Variants in CTNNA1 observed in about 807,000 individuals in gnomAD.
CTNNA1 encodes the protein catenin alpha-1.
A neutral mutation model predicts 98.4 loss-of-function variants in CTNNA1; 37 were observed. The observed-to-expected ratio is 0.38, with a 90% CI of 0.29 to 0.49. The LOEUF (loss-of-function observed/expected upper bound fraction) is 0.49, where lower values mean the gene tolerates loss of function less well. CTNNA1 is among the 20% of genes least tolerant of loss of function. The pLI is 0.95. For synonymous variants in CTNNA1, 404 were observed against 413.2 expected, an observed-to-expected ratio of 0.98 and a Z score of 0.27; for missense variants, 761 against 1,147.2, an observed-to-expected ratio of 0.66 and a Z score of 4.86.
chr5:138,884,029 C>T (rs963213059), intron 7 of CTNNA1, among the ~76,000 whole-genome samples: 6 of 152,090 alleles, frequency 3.9e-5, no homozygotes, highest in Non-Finnish European at 7.4e-5. Flanking sequence ...GGCCAAGGCC[C>T]AAGGCACAGT....
At chr5:138,845,137 AATCTT>A (rs1473106457) in intron 7 of CTNNA1, among the ~76,000 whole-genome samples, 2 of 152,206 alleles carry the variant, frequency 1.3e-5, no homozygotes, top group Non-Finnish European at 2.9e-5. Flanking sequence ...TGTGTCATAA[AATCTT>A]AGATTGGCAA....
chr5:138,933,210 G>A (rs868069255), intron 17 of CTNNA1, among the ~76,000 whole-genome samples: 1 of 151,964 alleles, frequency 6.6e-6, no homozygotes, highest in African/African-American at 2.4e-5. Context: ...ACATAGATAG[G>A]GTGTTTTCTC....
rs70982738 is a variant in CTNNA1, at chr5:138,892,328, G to GTTTTT, written c.1296+4711_1296+4715dup. Reference sequence around the variant, plus strand: ...TGGAAAAAGAATATAAAATAGCTTAGTTTTTTTTTTTTTTTTTTTTTTTTT... The same window carrying GTTTTT: ...TGGAAAAAGAATATAAAATAGCTTAGTTTTTTTTTTTTTTTTTTTTTTTTTTTTTT... On this transcript the variant is annotated intron_variant, in intron 9 of 17. Coordinates refer to ENST00000302763, the MANE Select transcript of CTNNA1 (RefSeq NM_001903.5). Among the ~76,000 whole-genome samples, 157 of 79,252 alleles carry GTTTTT rather than the reference G, an allele frequency of 2.0e-3. 22 individuals carry two copies. The highest frequency in any genetic ancestry group is 9.7e-3 in the East Asian group (15 of 1,554). 52.0% of individuals were successfully genotyped at this position (79,252 alleles called of 152,430 possible). A position where few individuals can be genotyped will look rare whatever the true frequency, so the allele number is the denominator to read the frequency against.
At chr5:138,772,785 T>C (rs1433673961) in intron 1 of CTNNA1, among the ~76,000 whole-genome samples, 1 of 151,876 alleles carries the variant, frequency 6.6e-6, no homozygotes, top group East Asian at 1.9e-4. Flanking sequence ...ATTTCAGGAC[T>C]AGAGGGATTT....
chr5:138,806,154 C>T (rs892325078), intron 3 of CTNNA1, among the ~76,000 whole-genome samples: 7 of 152,170 alleles, frequency 4.6e-5, no homozygotes, highest in African/African-American at 1.7e-4. Context: ...ATTGAATATT[C>T]TCGGCACTCT....
intron 7 of CTNNA1, among the ~76,000 whole-genome samples, chr5:138,839,245 A>G (rs1478692471): frequency 2.6e-5 from 4 of 151,312 alleles, no homozygotes; most frequent in Non-Finnish European, 5.9e-5. Flanking sequence ...CTTTTTTGAG[A>G]CGAAGTCTTG....
chr5:138,869,406 T>C (rs1328703153), intron 7 of CTNNA1: 3 of 151,720 alleles, frequency 2.0e-5, no homozygotes, highest in East Asian at 3.9e-4. Context: ...TCAAGGGCTT[T>C]AGTCAATAAG....
chr5:138,929,409 C>A, intron 14 of CTNNA1, 53 bp downstream of exon 14: 2 of 885,476 alleles, frequency 2.3e-6, no homozygotes, highest in South Asian at 1.4e-5. Context: ...CTTTCCCTGT[C>A]CCCTTTCTTG....
chr5:138,908,875 C>T (rs558991552), intron 10 of CTNNA1, among the ~76,000 whole-genome samples: 7 of 152,176 alleles, frequency 4.6e-5, no homozygotes, highest in South Asian at 2.1e-4. Flanking sequence ...CCGAGCAGAG[C>T]GCCCCGGTCT....
intron 9 of CTNNA1, among the ~76,000 whole-genome samples, chr5:138,903,254 C>T (rs1343774145): frequency 6.6e-6 from 1 of 152,148 alleles, no homozygotes; most frequent in Non-Finnish European, 1.5e-5. Flanking sequence ...TGTAGCACTA[C>T]AAACAACTGC....
intron 1 of CTNNA1, among the ~76,000 whole-genome samples, chr5:138,768,067 GATACCCTTT>G (rs1157953698): frequency 6.6e-6 from 1 of 152,154 alleles, no homozygotes; most frequent in African/African-American, 2.4e-5. Flanking sequence ...TTGTTCTAGT[GATACCCTTT>G]ATGGTTTTTC....
intron 7 of CTNNA1, among the ~76,000 whole-genome samples, chr5:138,851,259 G>A (rs904001862): frequency 6.6e-6 from 1 of 152,154 alleles, no homozygotes; most frequent in African/African-American, 2.4e-5. Flanking sequence ...CTATCCTGAT[G>A]GGCATTCTTG....
chr5:138,838,653 G>A (rs1762009049), intron 7 of CTNNA1, among the ~76,000 whole-genome samples: 1 of 151,948 alleles, frequency 6.6e-6, no homozygotes, highest in Non-Finnish European at 1.5e-5. Context: ...TGAGAACTTA[G>A]GTTATTGACT....
At chr5:138,855,102 G>T (rs918362445) in intron 7 of CTNNA1, among the ~76,000 whole-genome samples, 8 of 152,168 alleles carry the variant, frequency 5.3e-5, no homozygotes, top group African/African-American at 1.7e-4. Context: ...GCAGTAGCGC[G>T]ATCTCGGCTC....
chr5:138,806,045 G>C (rs1308356328), intron 3 of CTNNA1, among the ~76,000 whole-genome samples: 1 of 152,122 alleles, frequency 6.6e-6, no homozygotes. Context: ...TTTAGGTTTT[G>C]ATAAATTTTG....
chr5:138,819,654 C>G (rs952168457), intron 5 of CTNNA1, among the ~76,000 whole-genome samples: 6 of 152,156 alleles, frequency 3.9e-5, no homozygotes, highest in African/African-American at 7.2e-5. Context: ...CGTGACTGCT[C>G]TGGGTGCCAT....
intron 7 of CTNNA1, among the ~76,000 whole-genome samples, chr5:138,833,866 C>T (rs1761519431): frequency 1.3e-5 from 2 of 152,086 alleles, no homozygotes; most frequent in Non-Finnish European, 2.9e-5. Context: ...TTGTTCTTGC[C>T]TGAAAACGTT....
At chr5:138,919,947 T>G (rs954187418) in intron 11 of CTNNA1, among the ~76,000 whole-genome samples, 2 of 151,722 alleles carry the variant, frequency 1.3e-5, no homozygotes, top group African/African-American at 2.4e-5. Context: ...GTACATCCCT[T>G]ACCCATGGTA....
intron 1 of CTNNA1, among the ~76,000 whole-genome samples, chr5:138,758,356 C>T (rs771211973): frequency 2.6e-5 from 4 of 151,174 alleles, no homozygotes; most frequent in Non-Finnish European, 5.9e-5. Context: ...CGCCTGCCAC[C>T]ACACCCGGCT....
Sources: allele counts gnomAD v4.1 joint callset (sites outside exome capture counted in the v4.1 genomes callset), GRCh38; gene constraint gnomAD v4.1.1; transcripts MANE v1.5; gene names NCBI Gene and HGNC (gene_info 2026-07-23, HGNC 2026-07-21).